The following TTC12 variants were observed in gnomAD, a reference collection of about 807,000 sequenced individuals.
TTC12 encodes tetratricopeptide repeat domain 12.
In TTC12, 70 loss-of-function variants were observed where a neutral mutation model predicts 90.1. That is an observed-to-expected ratio of 0.78 (90% CI 0.64 to 0.95). The LOEUF (loss-of-function observed/expected upper bound fraction) is 0.95, where lower values mean the gene tolerates loss of function less well. Among genes scored for constraint, TTC12 ranks in the 40% least tolerant of loss-of-function variants. The pLI, the probability that TTC12 is intolerant of heterozygous loss-of-function variation, is 0.00. For missense variants in TTC12, 819 were observed against 846.1 expected (o/e 0.97, Z 0.40); for synonymous variants, 296 against 311.5 (o/e 0.95, Z 0.53).
chr11:113,336,091 AT>A (rs1303750512), intron 8 of TTC12, among the ~76,000 whole-genome samples: 1 of 151,848 alleles, frequency 6.6e-6, no homozygotes, highest in Non-Finnish European at 1.5e-5. Context: ...CTTGTTACTT[AT>A]TTTTTTATTA....
chr11:113,362,206 C>T (rs1302502334), intron 18 of TTC12, among the ~76,000 whole-genome samples, 195 bp from the exon 19 acceptor site: 1 of 152,066 alleles, frequency 6.6e-6, no homozygotes, highest in African/African-American at 2.4e-5. Context: ...CTCTGGGTGG[C>T]AAGGGGCTAT....
At position 113,323,371 on chromosome 11, in the gene TTC12, A is replaced by G. The variant is rs148853643; in HGVS notation, c.142A>G (p.Met48Val). The part of the protein sequence containing the change: ...VLETEKRLLL[M>V]EEDQEEDECR... ...GGAGACAGAAAAGAGACTACTGCTTATGGAGGAAGACCAGGAGGAGGATGA... is the reference window on the plus strand; with the variant it reads ...GGAGACAGAAAAGAGACTACTGCTTGTGGAGGAAGACCAGGAGGAGGATGA... Residue 48 changes from methionine (M) to valine (V), a missense_variant, in exon 3 of 22, where the codon ATG becomes GTG. Transcript: ENST00000529221. The G allele has an allele frequency of 4.8e-4, 770 of 1,613,584 alleles. 7 individuals are homozygous for G. In the African/African-American group the frequency reaches 9.2e-3, roughly 19 times the overall value.
intron 11 of TTC12, 132 bp from the exon 12 acceptor site, chr11:113,341,705 G>C: frequency 1.4e-6 from 1 of 722,350 alleles, no homozygotes; most frequent in Non-Finnish European, 2.4e-6. Context: ...GGTGACCCAT[G>C]GCTCTGGATT....
chr11:113,321,301 A>G lies in TTC12; in HGVS notation c.59-1987A>G, dbSNP rs1376822066. On this transcript the variant is annotated intron_variant, in intron 2 of 21. Transcript: ENST00000529221. ...CCTCTTGTACTCTTTTGTAGGAGTAAAAATTGGTACAGCCATATCCTGAAG... is the reference window on the plus strand; with the variant it reads ...CCTCTTGTACTCTTTTGTAGGAGTAGAAATTGGTACAGCCATATCCTGAAG... Among the ~76,000 whole-genome samples the G allele has an allele frequency of 2.0e-5, 3 of 152,360 alleles. No individual in the cohort carries two copies. In the East Asian group the frequency reaches 5.8e-4, roughly 29 times the overall value.
At chr11:113,317,380 C>T (rs1555136158) in intron 2 of TTC12, among the ~76,000 whole-genome samples, 1 of 152,098 alleles carries the variant, frequency 6.6e-6, no homozygotes, top group African/African-American at 2.4e-5. Flanking sequence ...GGTGACACCA[C>T]CATCCAGAAA....
intron 8 of TTC12, among the ~76,000 whole-genome samples, chr11:113,336,247 G>A (rs1396971849): frequency 1.3e-5 from 2 of 151,928 alleles, no homozygotes; most frequent in Non-Finnish European, 2.9e-5. Context: ...TTTATAATGA[G>A]GTGTAAATGT....
chr11:113,345,582 A>T lies in TTC12; in HGVS notation c.1154+1142A>T, dbSNP rs540984696. 1.2e-4 allele frequency among the ~76,000 whole-genome samples: 18 copies of T among 152,296 alleles called. No individual in the cohort carries two copies. In the East Asian group the frequency reaches 3.3e-3, roughly 28 times the overall value. ...CCATGTGTGCCGTGACAGGATGGTT[A>T]TTAAGCCTTGCCTACGGCTCCCCTT... On this transcript the variant is annotated intron_variant, in intron 13 of 21. Transcript: ENST00000529221.
intron 21 of TTC12, 103 bp downstream of exon 21, chr11:113,365,163 G>C: frequency 9.7e-7 from 1 of 1,035,572 alleles, no homozygotes; most frequent in Non-Finnish European, 1.4e-6. Context: ...AACAGTGTGG[G>C]AAGCCCTCAT....
rs1948635016 is a variant in TTC12, at chr11:113,340,726, A to G, written c.889A>G (p.Ile297Val). 13 of 1,613,480 alleles carry G rather than the reference A, an allele frequency of 8.1e-6. No individual in the cohort carries two copies. The highest frequency in any genetic ancestry group is 5.5e-5 in the South Asian group (5 of 91,082). ...TAGTATCATCAGTGACAACGAGGTCATAAGAAGGTAGGGATGTTCATAGAG... is the reference window on the plus strand; with the variant it reads ...TAGTATCATCAGTGACAACGAGGTCGTAAGAAGGTAGGGATGTTCATAGAG... The part of the protein sequence containing the change: ...GFSIISDNEV[I>V]RRCFSTAGND... The change falls in exon 11 of 22, where the codon ATA (isoleucine) becomes GTA (valine). Residue 297 changes from isoleucine (I) to valine (V), a missense_variant. Physicochemically the swap from Ile to Val is conservative, Grantham distance 29. Transcript: ENST00000529221.
chr11:113,333,605 G>A (rs570816196), intron 7 of TTC12, among the ~76,000 whole-genome samples: 1 of 152,146 alleles, frequency 6.6e-6, no homozygotes, highest in East Asian at 1.9e-4. Flanking sequence ...TATAAGATAG[G>A]GATAATAACT....
At chr11:113,326,871 A>G (rs1947726811) in intron 6 of TTC12, among the ~76,000 whole-genome samples, 1 of 152,200 alleles carries the variant, frequency 6.6e-6, no homozygotes, top group Admixed American at 6.5e-5. Flanking sequence ...ATGTTCAATA[A>G]ATCCTTTTTT....
At chr11:113,369,069 C>T (rs1382188945), downstream of TTC12, 2 of 154,882 alleles carry the variant, frequency 1.3e-5, no homozygotes, top group African/African-American at 4.8e-5. Context: ...TCCTCATAGA[C>T]TGGCATCCTG....
intron 7 of TTC12, among the ~76,000 whole-genome samples, chr11:113,330,792 G>T (rs1948013044): frequency 6.6e-6 from 1 of 152,136 alleles, no homozygotes; most frequent in Non-Finnish European, 1.5e-5. Context: ...TGTTTTACCT[G>T]AAAAACCTTG....
intron 13 of TTC12, among the ~76,000 whole-genome samples, chr11:113,349,676 G>A (rs1004953347): frequency 6.6e-5 from 10 of 152,026 alleles, no homozygotes; most frequent in East Asian, 1.9e-4. Flanking sequence ...TCTTTATTCC[G>A]TCACCCACCT....
intron 2 of TTC12, among the ~76,000 whole-genome samples, chr11:113,317,707 G>A (rs1243955074): frequency 6.6e-6 from 1 of 151,946 alleles, no homozygotes; most frequent in Non-Finnish European, 1.5e-5. Context: ...CCTACCTCAC[G>A]CTTGAGCAGC....
downstream of TTC12, chr11:113,366,413 G>C (rs1377586463): frequency 1.3e-6 from 2 of 1,544,076 alleles, no homozygotes; most frequent in African/African-American, 2.7e-5. Context: ...CTCATTTTTA[G>C]AGTGTTTGCA....
At chr11:113,370,682 G>A (rs1309467402), downstream of TTC12, among the ~76,000 whole-genome samples, 1 of 152,200 alleles carries the variant, frequency 6.6e-6, no homozygotes, top group Non-Finnish European at 1.5e-5. Context: ...GGAGCCTTAG[G>A]GTGCTGGCAA....
chr11:113,339,359 A>G lies in TTC12; in HGVS notation c.711A>G (p.Ser237=). Residue 237 remains serine, a synonymous_variant, in exon 10 of 22, where the codon TCA becomes TCG. Transcript: ENST00000529221. The stretch of plus-strand genomic sequence containing the variant: ...AGGAAGCCCACGAACTGCTGGATTC[A>G]GGAAAGAACACAGCCGTGACCACCA... The part of the protein sequence containing the change: ...QEKEAHELLD[S]GKNTAVTTKN... The G allele has an allele frequency of 6.2e-7, 1 of 1,614,080 alleles. No individual in the cohort carries two copies. The highest frequency in any genetic ancestry group is 8.5e-7 in the Non-Finnish European group (1 of 1,179,982).
At chr11:113,336,544 G>A (rs1555144094) in intron 8 of TTC12, among the ~76,000 whole-genome samples, 1 of 152,020 alleles carries the variant, frequency 6.6e-6, no homozygotes, top group East Asian at 1.9e-4. Context: ...AATCCATTTT[G>A]AGTTCATTTT....
Sources: gnomAD v4.1 joint callset for allele counts (sites outside exome capture counted in the v4.1 genomes callset) on GRCh38, gnomAD v4.1.1 for gene constraint, MANE v1.5 for transcripts, NCBI Gene and HGNC (gene_info 2026-07-23, HGNC 2026-07-21) for gene names.